The following SLC14A2 variants were observed in gnomAD, a reference collection of about 807,000 sequenced individuals.
SLC14A2 encodes solute carrier family 14 member 2.
In SLC14A2, 91 loss-of-function variants were observed where a neutral mutation model predicts 104.6. The ratio of observed to expected loss-of-function variants is 0.87; its 90% CI spans 0.73 to 1.04. The LOEUF is 1.04. Ranked by LOEUF, SLC14A2 falls within the 50% of genes least tolerant of loss-of-function variation. The pLI is 0.00. For missense variants in SLC14A2, 1,189 were observed against 1,156.0 expected (o/e 1.03, Z -0.41); for synonymous variants, 476 against 466.4 (o/e 1.02, Z -0.27).
intron 1 of SLC14A2, among the ~76,000 whole-genome samples, chr18:45,228,996 C>A (rs534952512): frequency 6.6e-6 from 1 of 152,298 alleles, no homozygotes; most frequent in South Asian, 2.1e-4. Context: ...CGCAGAAATC[C>A]TGGAAACTGC....
intron 2 of SLC14A2, among the ~76,000 whole-genome samples, chr18:45,539,883 A>G (rs990794911): frequency 2.0e-5 from 3 of 150,224 alleles, no homozygotes; most frequent in Non-Finnish European, 4.4e-5. Context: ...AAAGAAAAAA[A>G]ATGAAAAGAG....
rs1051098783 is a variant in SLC14A2 at position 45,236,533 on chromosome 18, A to G, written c.-125+23342A>G. Among the ~76,000 whole-genome samples, 19 of 124,334 alleles carry G rather than the reference A, an allele frequency of 1.5e-4. 6 individuals carry two copies. Among genetic ancestry groups the G allele is most frequent in the African/African-American group, 5.1e-4 (15 of 29,358 alleles). 81.6% of individuals were successfully genotyped at this position (124,334 alleles called of 152,430 possible). A position where few individuals can be genotyped will look rare whatever the true frequency, so the allele number is the denominator to read the frequency against. On this transcript the variant is annotated intron_variant, in intron 1 of 20. Transcript: ENST00000586448. ...TGTGTGTATATATGTGTATATATGT[A>G]TATATACATGTATGTGTGTATATAT...
intron 1 of SLC14A2, among the ~76,000 whole-genome samples, chr18:45,285,672 C>CT (rs1555672111): frequency 7.0e-6 from 1 of 143,174 alleles, no homozygotes; most frequent in Non-Finnish European, 1.5e-5. Context: ...CCCCCCCCCC[C>CT]CCTCGGCCTC....
chr18:45,387,310 T>A lies in SLC14A2; in HGVS notation c.-124-95923T>A, dbSNP rs528510385. On this transcript the variant is annotated intron_variant, in intron 1 of 20. Coordinates refer to the SLC14A2 transcript ENST00000586448. The stretch of plus-strand genomic sequence containing the variant: ...TATTAAACCCATAGCTTGCCACAAC[T>A]CCTCAGCCAGAATTAATTCTATGCC... Among the ~76,000 whole-genome samples the A allele has an allele frequency of 1.5e-3, 221 of 152,222 alleles. 1 individual carries two copies. Among genetic ancestry groups the A allele is most frequent in the African/African-American group, 5.2e-3 (217 of 41,530 alleles).
chr18:45,681,764 G>T (rs1218024772), intron 19 of SLC14A2, among the ~76,000 whole-genome samples: 1 of 152,204 alleles, frequency 6.6e-6, no homozygotes, highest in Non-Finnish European at 1.5e-5. Flanking sequence ...CCAGAACCCT[G>T]TAGACACAGT....
chr18:45,275,377 G>C (rs2084691574), intron 1 of SLC14A2, among the ~76,000 whole-genome samples: 1 of 152,272 alleles, frequency 6.6e-6, no homozygotes, highest in Non-Finnish European at 1.5e-5. Context: ...AACTCAATAA[G>C]TACTGAACGA....
intron 1 of SLC14A2, among the ~76,000 whole-genome samples, chr18:45,334,992 T>C (rs1455949050): frequency 6.6e-6 from 1 of 152,232 alleles, no homozygotes; most frequent in Non-Finnish European, 1.5e-5. Context: ...GAGTGTGCAG[T>C]TTTTATTTAC....
At chr18:45,375,696 G>A (rs75207280) in intron 1 of SLC14A2, among the ~76,000 whole-genome samples, 7,784 of 152,264 alleles carry the variant, frequency 0.051, 253 homozygotes, top group Non-Finnish European at 0.078. Context: ...TGAACCCATT[G>A]GACAGTTACA....
chr18:45,553,907 G>T (rs1035080260), intron 2 of SLC14A2, among the ~76,000 whole-genome samples: 3 of 152,142 alleles, frequency 2.0e-5, no homozygotes, highest in African/African-American at 7.2e-5. Flanking sequence ...TGAAAAAAAC[G>T]CCATACAAGG....
chr18:45,208,187 A>G (rs2083931445), upstream of SLC14A2, among the ~76,000 whole-genome samples: 1 of 152,228 alleles, frequency 6.6e-6, no homozygotes, highest in Non-Finnish European at 1.5e-5. Context: ...TTCTATAACC[A>G]ACACAAAAAT....
chr18:45,577,438 C>T (rs1384762901), intron 2 of SLC14A2, among the ~76,000 whole-genome samples: 1 of 152,104 alleles, frequency 6.6e-6, no homozygotes, highest in South Asian at 2.1e-4. Flanking sequence ...TTGGACTTCA[C>T]CTGTTGATAG....
At chr18:45,322,057 T>C (rs1286989781) in intron 1 of SLC14A2, among the ~76,000 whole-genome samples, 1 of 152,102 alleles carries the variant, frequency 6.6e-6, no homozygotes, top group Non-Finnish European at 1.5e-5. Context: ...GCAGAACACA[T>C]ATTTAAAAGT....
intron 1 of SLC14A2, among the ~76,000 whole-genome samples, chr18:45,307,292 C>T (rs2085032389): frequency 6.6e-6 from 1 of 151,768 alleles, no homozygotes; most frequent in South Asian, 2.1e-4. Context: ...GTGGTGGATG[C>T]CTGTAATCCC....
At chr18:45,220,972 C>T (rs947694611) in intron 1 of SLC14A2, among the ~76,000 whole-genome samples, 1 of 152,146 alleles carries the variant, frequency 6.6e-6, no homozygotes, top group Non-Finnish European at 1.5e-5. Context: ...CAAACTTCTT[C>T]TTCTGTTAAG....
At chr18:45,462,510 T>C (rs1568219026) in intron 1 of SLC14A2, among the ~76,000 whole-genome samples, 1 of 152,218 alleles carries the variant, frequency 6.6e-6, no homozygotes, top group Non-Finnish European at 1.5e-5. Flanking sequence ...AGATATGTGA[T>C]TTGAAACGGA....
At chr18:45,660,663 G>A (rs565940883) in intron 10 of SLC14A2, among the ~76,000 whole-genome samples, 35 of 152,286 alleles carry the variant, frequency 2.3e-4, no homozygotes, top group African/African-American at 7.7e-4. Context: ...TATGTGACTT[G>A]CAAAACACCA....
In SLC14A2 at chr18:45,352,159, A is replaced by C. The variant is rs139443352; in HGVS notation, c.-124-131074A>C. 6.6e-3 allele frequency among the ~76,000 whole-genome samples: 1,009 copies of C among 152,254 alleles called. 7 individuals are homozygous for C. Among genetic ancestry groups the C allele is most frequent in the Non-Finnish European group, 0.011 (722 of 68,010 alleles). ...TGTTTTAGGAATCTGTAGAAGGTGC[A>C]CATTCATGAGGTCTTCAGTCACCAG... On this transcript the variant is annotated intron_variant, in intron 1 of 20. Coordinates refer to the SLC14A2 transcript ENST00000586448.
Position 45,250,199 on chromosome 18 carries a change from T to C in SLC14A2, c.-125+37008T>C, listed in dbSNP as rs2084406912. Among the ~76,000 whole-genome samples, 5 of 152,318 alleles carry C rather than the reference T, an allele frequency of 3.3e-5. No individual in the cohort carries two copies. The South Asian group carries it at 1.0e-3, about 32-fold the overall frequency. On this transcript the variant is annotated intron_variant, in intron 1 of 20. Coordinates refer to the SLC14A2 transcript ENST00000586448. Reference sequence around the variant, plus strand: ...GTGACTAAAATCAACAAAAGGCACTTAAAGCAGTACTAATGAGCATCTATA... The same window carrying C: ...GTGACTAAAATCAACAAAAGGCACTCAAAGCAGTACTAATGAGCATCTATA...
rs937216214 is a variant in SLC14A2 at position 45,510,972 on chromosome 18, C to T, written c.-35+27650C>T. Among the ~76,000 whole-genome samples the T allele has an allele frequency of 4.6e-5, 7 of 152,322 alleles. No individual in the cohort carries two copies. In the South Asian group the frequency reaches 1.5e-3, roughly 32 times the overall value. On this transcript the variant is annotated intron_variant, in intron 2 of 20. Transcript: ENST00000586448. ...TAAGACTTCTTTTTCCCCCTCCTCT[C>T]CTGAAAATCCAAGAGAGTCCTCTGC...
Sources: allele counts gnomAD v4.1 joint callset (sites outside exome capture counted in the v4.1 genomes callset), GRCh38; gene constraint gnomAD v4.1.1; transcripts MANE v1.5; gene names NCBI Gene and HGNC (gene_info 2026-07-23, HGNC 2026-07-21).